RHEB: variants seen among roughly 807,000 people sequenced by gnomAD.
RHEB encodes GTP-binding protein Rheb.
Under a neutral mutation model 28.8 loss-of-function variants are expected in RHEB, and 2 were observed. That is an observed-to-expected ratio of 0.07 (90% confidence interval 0.03 to 0.22). RHEB has a LOEUF of 0.22. Ranked by LOEUF, RHEB falls within the 10% of genes least tolerant of loss-of-function variation. RHEB has a pLI of 1.00. For missense variants in RHEB, 76 were observed against 219.9 expected, an observed-to-expected ratio of 0.35 and a Z score of 4.14; for synonymous variants, 69 against 77.3, an observed-to-expected ratio of 0.89 and a Z score of 0.56.
intron 1 of RHEB, among the ~76,000 whole-genome samples, chr7:151,493,132 C>T (rs139773117): frequency 0.016 from 2,432 of 152,186 alleles, 55 homozygotes; most frequent in African/African-American, 0.051. Flanking sequence ...TGAGCCACCG[C>T]GCCTGCCCTA....
At chr7:151,519,347 C>G in intron 1 of RHEB, 113 bp downstream of exon 1, 2 of 714,086 alleles carry the variant, frequency 2.8e-6, no homozygotes, top group Non-Finnish European at 3.8e-6. Context: ...GCGGCCCCCG[C>G]CCGCCCCGCC....
chr7:151,505,802 G>A (rs890439082), intron 1 of RHEB, among the ~76,000 whole-genome samples: 1 of 152,290 alleles, frequency 6.6e-6, no homozygotes, highest in Middle Eastern at 3.4e-3. Flanking sequence ...CCATTCAACA[G>A]AATACCACTT....
chr7:151,479,997 A>C (rs1802353989), intron 3 of RHEB, among the ~76,000 whole-genome samples: 1 of 152,224 alleles, frequency 6.6e-6, no homozygotes, highest in South Asian at 2.1e-4. Context: ...CATTATTAAA[A>C]GTACACTGCA....
At chr7:151,503,732 G>A (rs535047276) in intron 1 of RHEB, among the ~76,000 whole-genome samples, 4 of 151,240 alleles carry the variant, frequency 2.6e-5, no homozygotes, top group East Asian at 3.9e-4. Flanking sequence ...ACTTTTACTC[G>A]ATGGTGAAAT....
chr7:151,503,009 A>C, intron 1 of RHEB: 3 of 782,950 alleles, frequency 3.8e-6, no homozygotes, highest in Non-Finnish European at 7.1e-6. Context: ...TCAAGAAAAG[A>C]AATCAATAGA....
intron 1 of RHEB, among the ~76,000 whole-genome samples, chr7:151,508,775 C>A (rs542869491): frequency 1.8e-4 from 27 of 152,024 alleles, no homozygotes; most frequent in African/African-American, 5.8e-4. Context: ...TAGGCGTGAG[C>A]CACTGCACCA....
chr7:151,512,256 T>C (rs1803005031), intron 1 of RHEB, among the ~76,000 whole-genome samples: 1 of 152,206 alleles, frequency 6.6e-6, no homozygotes, highest in Admixed American at 6.5e-5. Flanking sequence ...TTATTCTGAA[T>C]CTTCACCCAA....
intron 1 of RHEB, among the ~76,000 whole-genome samples, chr7:151,509,851 C>G (rs995582586): frequency 6.6e-6 from 1 of 152,188 alleles, no homozygotes; most frequent in Non-Finnish European, 1.5e-5. Context: ...CACACCCACT[C>G]GTTGATGTAT....
Position 151,519,792 on chromosome 7 carries a change from G to T in RHEB, c.-281C>A, listed in dbSNP as rs980419304. ...GCCGCCTCCGCCCCCCGAAATACGCGGGGGGTGCGTCGGGGCGACGTTTTA... is the reference window on the plus strand; with the variant it reads ...GCCGCCTCCGCCCCCCGAAATACGCTGGGGGTGCGTCGGGGCGACGTTTTA... On this transcript the variant is annotated 5_prime_UTR_variant, in exon 1 of 8. Transcript: ENST00000262187. The T allele has an allele frequency of 9.7e-6, 3 of 310,426 alleles. No individual in the cohort carries two copies. The highest frequency in any genetic ancestry group is 4.4e-5 in the African/African-American group (2 of 45,756). The allele number at this position is 310,426 out of a possible 1,614,324, so 19.2% of individuals were successfully genotyped here.
At position 151,468,182 on chromosome 7, in the gene RHEB, C is replaced by T. The variant is rs1802098876; in HGVS notation, c.463-971G>A. Among the ~76,000 whole-genome samples the T allele has an allele frequency of 6.6e-6, 1 of 152,206 alleles. No homozygotes were observed. The highest frequency in any genetic ancestry group is 1.5e-5 in the Non-Finnish European group (1 of 68,046). On this transcript the variant is annotated intron_variant, in intron 7 of 7. Transcript: ENST00000262187. This position sits in a 1 kb window ranked among gnomAD's most constrained non-coding sequence, Gnocchi z 4.3. Reference sequence around the variant, plus strand: ...GAAACCAGAACACACCAACTGCCAGCGTCCCACCACACCACCTTCCCAGCT... The same window carrying T: ...GAAACCAGAACACACCAACTGCCAGTGTCCCACCACACCACCTTCCCAGCT...
chr7:151,498,522 G>A (rs1364947933), intron 1 of RHEB, among the ~76,000 whole-genome samples: 2 of 152,112 alleles, frequency 1.3e-5, no homozygotes, highest in African/African-American at 4.8e-5. Flanking sequence ...AGGTACTTGG[G>A]AGGCTGAGAT....
intron 2 of RHEB, among the ~76,000 whole-genome samples, chr7:151,488,730 A>G (rs1168359046): frequency 1.3e-5 from 2 of 152,216 alleles, no homozygotes; most frequent in Admixed American, 6.5e-5. Flanking sequence ...TTTTTGAGGT[A>G]AAGAAGTCTT....
At chr7:151,482,534 G>A (rs1219647197) in intron 3 of RHEB, among the ~76,000 whole-genome samples, 1 of 152,172 alleles carries the variant, frequency 6.6e-6, no homozygotes, top group Non-Finnish European at 1.5e-5. Context: ...GATACAAAAC[G>A]TGTTTCCACA....
chr7:151,503,776 A>AAAT (rs1554439921), intron 1 of RHEB, among the ~76,000 whole-genome samples: 12 of 151,260 alleles, frequency 7.9e-5, no homozygotes, highest in African/African-American at 2.7e-4. Flanking sequence ...AAAAAAAAAA[A>AAAT]TTTTTTTAAG....
chr7:151,503,512 A>G, intron 1 of RHEB: 1 of 813,286 alleles, frequency 1.2e-6, no homozygotes, highest in South Asian at 1.5e-5. Context: ...CAACCCAAGA[A>G]GCATACCCAT....
At chr7:151,494,888 A>C (rs989022657) in intron 1 of RHEB, among the ~76,000 whole-genome samples, 1 of 152,222 alleles carries the variant, frequency 6.6e-6, no homozygotes, top group African/African-American at 2.4e-5. Flanking sequence ...CTAGTGTTGA[A>C]ATCTTGACAA....
chr7:151,480,689 A>T (rs13309636), intron 3 of RHEB, among the ~76,000 whole-genome samples: 65,755 of 147,594 alleles, frequency 0.45, 15,010 homozygotes, highest in South Asian at 0.6. Context: ...ATTAATTATT[A>T]TTTTTTTTTT....
chr7:151,502,430 AAACTTTAT>A, intron 1 of RHEB: 2 of 815,850 alleles, frequency 2.5e-6, no homozygotes, highest in Admixed American at 3.4e-5. Context: ...ACAAAGGCTC[AAACTTTAT>A]AACAAAGTAC....
chr7:151,503,337 A>C (rs1290456804), intron 1 of RHEB: 1 of 872,388 alleles, frequency 1.1e-6, no homozygotes, highest in Non-Finnish European at 2.0e-6. Context: ...TCACAGATAA[A>C]ATGCAAGACG....
Sources: gnomAD v4.1 joint callset for allele counts (sites outside exome capture counted in the v4.1 genomes callset) on GRCh38, gnomAD v4.1.1 for gene constraint, Gnocchi (gnomAD v3.1) non-coding constraint, MANE v1.5 for transcripts, NCBI Gene and HGNC (gene_info 2026-07-23, HGNC 2026-07-21) for gene names.